BUB1B: variants seen among roughly 807,000 people sequenced by gnomAD.
BUB1B encodes the protein BUB1 mitotic checkpoint serine/threonine kinase B, also known as mitotic checkpoint serine/threonine-protein kinase BUB1 beta.
In BUB1B, 86 loss-of-function variants were observed where a neutral mutation model predicts 137.7. That is an observed-to-expected ratio of 0.62 (90% CI 0.52 to 0.75). BUB1B has a LOEUF of 0.75. BUB1B is among the 30% of genes least tolerant of loss of function. BUB1B has a pLI of 0.00. For missense variants in BUB1B, 1,130 were observed against 1,236.9 expected, an observed-to-expected ratio of 0.91 and a Z score of 1.30; for synonymous variants, 420 against 417.9, an observed-to-expected ratio of 1.00 and a Z score of -0.06.
intron 1 of BUB1B, among the ~76,000 whole-genome samples, chr15:40,162,208 G>A (rs151130139): frequency 5.5e-4 from 84 of 152,322 alleles, no homozygotes; most frequent in African/African-American, 2.0e-3. Context: ...TCTGAGGAGA[G>A]TACAAAGGCT....
chr15:40,161,590 A>G (rs905545490), intron 1 of BUB1B, among the ~76,000 whole-genome samples: 8 of 152,186 alleles, frequency 5.3e-5, no homozygotes, highest in African/African-American at 1.9e-4. Context: ...TTGTATGGAA[A>G]ATGCTGATGT....
chr15:40,216,046 G>T (rs1186883406), intron 20 of BUB1B, among the ~76,000 whole-genome samples: 1 of 152,210 alleles, frequency 6.6e-6, no homozygotes, highest in Non-Finnish European at 1.5e-5. Flanking sequence ...AAGTAACAGT[G>T]AGTGAGTAGC....
At chr15:40,173,283 C>T (rs1293491949) in intron 4 of BUB1B, among the ~76,000 whole-genome samples, 1 of 81,174 alleles carries the variant, frequency 1.2e-5, no homozygotes, top group Non-Finnish European at 2.3e-5. Flanking sequence ...GACTCAGTCT[C>T]AGAAAAAAAG....
chr15:40,204,104 G>A (rs986615335), intron 14 of BUB1B, among the ~76,000 whole-genome samples: 1 of 152,050 alleles, frequency 6.6e-6, no homozygotes, highest in Non-Finnish European at 1.5e-5. Flanking sequence ...CCCATATCAA[G>A]ATACAGAATA....
intron 20 of BUB1B, among the ~76,000 whole-genome samples, chr15:40,215,596 T>C (rs919011609): frequency 6.6e-5 from 10 of 151,978 alleles, no homozygotes; most frequent in Admixed American, 3.9e-4. Flanking sequence ...AGTGAAACCC[T>C]GTCTCTACTA....
At chr15:40,171,000 A>G (rs2037155448) in intron 4 of BUB1B, among the ~76,000 whole-genome samples, 1 of 152,158 alleles carries the variant, frequency 6.6e-6, no homozygotes, top group African/African-American at 2.4e-5. Flanking sequence ...CAGTGGCTCC[A>G]TCATGGCTCA....
In BUB1B at chr15:40,220,946, G is replaced by A. The variant is rs1240139933; in HGVS notation, c.*187G>A. On this transcript the variant is annotated 3_prime_UTR_variant, in exon 23 of 23. Transcript: ENST00000287598. ...TTATACAGTGATATACTTACTCATG[G>A]CCTTGTCTAACTTTTGTGAAGAACT... 1 of 653,458 alleles carries A rather than the reference G, an allele frequency of 1.5e-6. No individual in the cohort carries two copies. The highest frequency in any genetic ancestry group is 1.8e-5 in the African/African-American group (1 of 55,048). The allele number at this position is 653,458 out of a possible 1,614,324, so 40.5% of individuals were successfully genotyped here.
intron 18 of BUB1B, among the ~76,000 whole-genome samples, chr15:40,211,525 A>T (rs376936540): frequency 6.6e-6 from 1 of 152,336 alleles, no homozygotes; most frequent in African/African-American, 2.4e-5. Flanking sequence ...TGCCTGGAGC[A>T]TATAAGCCTG....
Position 40,218,546 on chromosome 15 carries a change from A to G in BUB1B, c.2941A>G (p.Ser981Gly), listed in dbSNP as rs1240001685. ...CTGGGATGGGTCCTTCTGGAAACTT[A>G]GCCAAAATATTTCTGAGTAAGTATT... ...VFWDGSFWKL[S>G]QNISELKDGE... The change falls in exon 22 of 23, where the codon AGC (serine) becomes GGC (glycine). Residue 981 changes from serine (S) to glycine (G), a missense_variant. Transcript: ENST00000287598. 1 of 1,611,500 alleles carries G rather than the reference A, an allele frequency of 6.2e-7. No individual in the cohort carries two copies. Among genetic ancestry groups the G allele is most frequent in the South Asian group, 1.1e-5 (1 of 91,008 alleles).
intron 16 of BUB1B, among the ~76,000 whole-genome samples, chr15:40,209,306 A>G (rs1016368656): frequency 2.6e-5 from 4 of 152,232 alleles, no homozygotes; most frequent in Non-Finnish European, 5.9e-5. Context: ...CTGTAGTCCC[A>G]GCTACTCTGG....
chr15:40,165,462 A>G (rs1168330574), intron 2 of BUB1B, among the ~76,000 whole-genome samples: 1 of 152,228 alleles, frequency 6.6e-6, no homozygotes. Flanking sequence ...TACAGGGGGC[A>G]GTGATAAGCA....
chr15:40,207,880 TAA>T (rs11285631), intron 15 of BUB1B, among the ~76,000 whole-genome samples: 48 of 147,732 alleles, frequency 3.2e-4, no homozygotes, highest in Non-Finnish European at 2.7e-4. Flanking sequence ...CTAATAAAAA[TAA>T]AAAAAAAAAA....
rs747863124 is a variant in BUB1B, at chr15:40,161,252, T to C, written c.32T>C (p.Leu11Pro). 2 of 1,612,674 alleles carry C rather than the reference T, an allele frequency of 1.2e-6. No individual in the cohort carries two copies. Among genetic ancestry groups the C allele is most frequent in the Non-Finnish European group, 1.7e-6 (2 of 1,179,368 alleles). Residue 11 changes from leucine to proline, a missense_variant, in exon 1 of 23, where the codon CTG (leucine) becomes CCG (proline). Physicochemically the swap from Leu to Pro is moderately conservative, Grantham distance 98. Transcript: ENST00000287598. MAAVKKEGGA[L>P]SEAMSLEGDE... ...GCGGTGAAGAAGGAAGGGGGTGCTC[T>C]GAGGTAGGTACGGGAGAAAGCTGCT...
intron 16 of BUB1B, 46 bp from the exon 17 acceptor site, chr15:40,209,589 A>G (rs773862684): frequency 3.7e-6 from 6 of 1,612,204 alleles, no homozygotes; most frequent in Non-Finnish European, 3.4e-6. Flanking sequence ...TTTAAGCATT[A>G]GGGTTTTTTT....
At chr15:40,199,075 A>C (rs1184165649) in intron 9 of BUB1B, among the ~76,000 whole-genome samples, 2 of 152,174 alleles carry the variant, frequency 1.3e-5, no homozygotes, top group African/African-American at 4.8e-5. Flanking sequence ...CCTTTGTGCC[A>C]CCTAGTTTGT....
At chr15:40,193,833 G>A (rs1444526868) in intron 8 of BUB1B, among the ~76,000 whole-genome samples, 1 of 151,468 alleles carries the variant, frequency 6.6e-6, no homozygotes, top group Non-Finnish European at 1.5e-5. Flanking sequence ...GGCGGAGGTT[G>A]CAGTGAACTG....
intron 14 of BUB1B, 66 bp downstream of exon 14, chr15:40,202,760 G>T: frequency 2.2e-6 from 3 of 1,334,180 alleles, no homozygotes; most frequent in East Asian, 4.6e-5. Context: ...AACCACAAAA[G>T]CTTAAGGTTA....
Position 40,176,645 on chromosome 15 carries a change from C to T in BUB1B, c.553C>T (p.Pro185Ser). ...FQEGIQQKAE[P>S]LERLQSQHRQ... ...GGAAGGGATTCAACAGAAGGCTGAACCACTAGAAAGACTACAGTCCCAGCA... is the reference window on the plus strand; with the variant it reads ...GGAAGGGATTCAACAGAAGGCTGAATCACTAGAAAGACTACAGTCCCAGCA... Residue 185 changes from proline to serine, a missense_variant, in exon 5 of 23, where the codon CCA (proline) becomes TCA (serine). By Grantham distance (74) the Pro-to-Ser change is moderately conservative. Transcript: ENST00000287598. 1 of 1,614,112 alleles carries T rather than the reference C, an allele frequency of 6.2e-7. No homozygotes were observed. The highest frequency in any genetic ancestry group is 8.5e-7 in the Non-Finnish European group (1 of 1,180,004).
intron 1 of BUB1B, among the ~76,000 whole-genome samples, chr15:40,163,620 C>T (rs28673302): frequency 0.055 from 8,423 of 152,130 alleles, 767 homozygotes; most frequent in African/African-American, 0.19. Context: ...TTCACTGATT[C>T]GCCAAAAATT....
Sources: allele counts gnomAD v4.1 joint callset (sites outside exome capture counted in the v4.1 genomes callset), GRCh38; gene constraint gnomAD v4.1.1; transcripts MANE v1.5; gene names NCBI Gene and HGNC (gene_info 2026-07-23, HGNC 2026-07-21).